ADCY7: variants seen among roughly 807,000 people sequenced by gnomAD.
The protein encoded by ADCY7 is adenylate cyclase type 7.
In ADCY7, 72 loss-of-function variants were observed where a neutral mutation model predicts 120.6. The ratio of observed to expected loss-of-function variants is 0.60; its 90% CI spans 0.49 to 0.73. ADCY7 has a LOEUF of 0.73. Among genes scored for constraint, ADCY7 ranks in the 30% least tolerant of loss-of-function variants. The pLI, the probability that ADCY7 is intolerant of heterozygous loss-of-function variation, is 0.00. For missense variants in ADCY7, 1,227 were observed against 1,486.0 expected, an observed-to-expected ratio of 0.83 and a Z score of 2.87; for synonymous variants, 661 against 628.0, an observed-to-expected ratio of 1.05 and a Z score of -0.78.
At chr16:50,286,198 G>A (rs571341279) in intron 1 of ADCY7, among the ~76,000 whole-genome samples, 38 of 151,692 alleles carry the variant, frequency 2.5e-4, no homozygotes, top group African/African-American at 8.9e-4. Context: ...TTCAAGACTA[G>A]CCTGGGCAAC....
Position 50,293,506 on chromosome 16 carries a change from G to A in ADCY7, c.836+4G>A. 1 of 1,613,714 alleles carries A rather than the reference G, an allele frequency of 6.2e-7. No homozygotes were observed. Among genetic ancestry groups the A allele is most frequent in the Non-Finnish European group, 8.5e-7 (1 of 1,179,942 alleles). ...TCAAGAGGCACCAGAATGTCAGGTG[G>A]GCGGTGAGACGTGTGATTAGCATAT... is the stretch of plus-strand genomic sequence containing the variant. On this transcript the variant is annotated splice_donor_region_variant and intron_variant, in intron 6 of 25. Transcript: ENST00000673801.
intron 16 of ADCY7, 54 bp from the exon 17 acceptor site, chr16:50,308,613 G>A: frequency 6.3e-7 from 1 of 1,576,984 alleles, no homozygotes; most frequent in East Asian, 2.2e-5. Flanking sequence ...CCAGCGACCA[G>A]CCCTCCTTGC....
At chr16:50,258,114 AC>A (rs2032965258) in intron 1 of ADCY7, among the ~76,000 whole-genome samples, 1 of 151,916 alleles carries the variant, frequency 6.6e-6, no homozygotes. Flanking sequence ...TTGTAATGTA[AC>A]CTCCAAGCTA....
At chr16:50,256,508 GC>G (rs1219771811) in intron 1 of ADCY7, among the ~76,000 whole-genome samples, 3 of 152,212 alleles carry the variant, frequency 2.0e-5, no homozygotes, top group East Asian at 3.9e-4. Context: ...TTTGAGACCA[GC>G]CTGGGCAACA....
At position 50,314,045 on chromosome 16, in the gene ADCY7, T is replaced by C; in HGVS notation, c.2839T>C (p.Ser947Pro). The C allele has an allele frequency of 6.2e-7, 1 of 1,614,040 alleles. No homozygotes were observed. Among genetic ancestry groups the C allele is most frequent in the Admixed American group, 1.7e-5 (1 of 60,018 alleles). ...GGCAGCTGCAGGGCTCAGCGTCGCC[T>C]CAGGGCACGAGAACCAGGTACTCAA... ...YMAAAGLSVA[S>P]GHENQELERQ... Residue 947 changes from serine (S) to proline (P), a missense_variant, in exon 23 of 26, where the codon TCA becomes CCA. Around this residue, in one of 5 missense-constraint regions of ADCY7, gnomAD observed 244 missense variants for 332.8 expected, o/e 0.73. Coordinates refer to ENST00000673801, the MANE Select transcript of ADCY7 (RefSeq NM_001114.5).
rs142241553 is a variant in ADCY7, at chr16:50,298,996, C to T, written c.1041C>T (p.Cys347=). 1.2e-4 allele frequency: 189 copies of T among 1,612,894 alleles called. No homozygotes were observed. The highest frequency in any genetic ancestry group is 1.4e-4 in the Non-Finnish European group (161 of 1,179,996). The change falls in exon 8 of 26, where the codon TGC becomes TGT. Residue 347 remains cysteine (C), a synonymous_variant. Transcript: ENST00000673801. The part of the protein sequence containing the change: ...PVSLPTHARN[C]VKMGLDMCQA... The stretch of plus-strand genomic sequence containing the variant: ...CGCTGCCTACCCACGCCCGGAACTG[C>T]GTGAAGATGGGGCTGGACATGTGCC...
intron 14 of ADCY7, 26 bp from the exon 15 acceptor site, chr16:50,307,024 C>G (rs751421115): frequency 6.3e-7 from 1 of 1,589,798 alleles, no homozygotes; most frequent in Non-Finnish European, 8.6e-7. Context: ...CTGGTGGCCA[C>G]CCCTCACAGT....
At position 50,312,182 on chromosome 16, in the gene ADCY7, G is replaced by A; in HGVS notation, c.2595G>A (p.Lys865=). The A allele has an allele frequency of 6.2e-7, 1 of 1,613,476 alleles. No homozygotes were observed. Among genetic ancestry groups the A allele is most frequent in the Non-Finnish European group, 8.5e-7 (1 of 1,179,936 alleles). Residue 865 remains lysine (K), a synonymous_variant, in exon 21 of 26, where the codon AAG becomes AAA. Coordinates refer to ENST00000673801, the MANE Select transcript of ADCY7 (RefSeq NM_001114.5). ...AHVAAHFIGD[K]LNEDWYHQSY... is the part of the protein sequence containing the mutation. ...TGGCTGCCCACTTTATCGGTGACAAGTTAAACGAGGTGTGCTGAGAAGGGG... is the reference window on the plus strand; with the variant it reads ...TGGCTGCCCACTTTATCGGTGACAAATTAAACGAGGTGTGCTGAGAAGGGG...
At chr16:50,251,779 G>A (rs2032764053) in intron 1 of ADCY7, among the ~76,000 whole-genome samples, 1 of 152,156 alleles carries the variant, frequency 6.6e-6, no homozygotes, top group South Asian at 2.1e-4. Context: ...TCCCCGCCTG[G>A]CCTCCGGGGG....
At position 50,312,066 on chromosome 16, in the gene ADCY7, T is replaced by C. The variant is rs150446281; in HGVS notation, c.2479T>C (p.Trp827Arg). 5.6e-5 allele frequency: 91 copies of C among 1,614,102 alleles called. No homozygotes were observed. The highest frequency in any genetic ancestry group is 7.0e-5 in the Non-Finnish European group (83 of 1,180,050). ...IDYYCRLDCL[W>R]KKKFKKEHEE... ...CTATTACTGCCGCTTGGACTGCCTA[T>C]GGAAGAAGAAGTTCAAGAAGGAGCA... Residue 827 changes from tryptophan (W) to arginine (R), a missense_variant, in exon 21 of 26, where the codon TGG becomes CGG. Physicochemically the swap from Trp to Arg is moderately radical, Grantham distance 101. Coordinates refer to ENST00000673801, the MANE Select transcript of ADCY7 (RefSeq NM_001114.5).
intron 1 of ADCY7, among the ~76,000 whole-genome samples, chr16:50,285,448 C>T (rs867661652): frequency 1.3e-5 from 2 of 152,262 alleles, no homozygotes. Context: ...GGATCTCATA[C>T]TAGCAGGTGC....
At chr16:50,305,957 G>C in intron 14 of ADCY7, 108 bp downstream of exon 14, 1 of 1,120,382 alleles carries the variant, frequency 8.9e-7, no homozygotes, top group Non-Finnish European at 1.3e-6. Context: ...ACCGGCTAGG[G>C]GAGGGGCACT....
At position 50,267,981 on chromosome 16, in the gene ADCY7, C is replaced by A. The variant is rs1228203615; in HGVS notation, c.-269+1301C>A. Among the ~76,000 whole-genome samples, 6 of 152,156 alleles carry A rather than the reference C, an allele frequency of 3.9e-5. 1 individual carries two copies. The highest frequency in any genetic ancestry group is 2.0e-4 in the Admixed American group (3 of 15,280). ...CAAGGTTTACCTGCAGCTCCTGGTG[C>A]AGAGTGTGGGGGAGGGGAGGCTCTC... On this transcript the variant is annotated intron_variant, in intron 1 of 25. Transcript: ENST00000673801.
At chr16:50,273,071 AG>A (rs1363034293) in intron 1 of ADCY7, among the ~76,000 whole-genome samples, 4 of 152,118 alleles carry the variant, frequency 2.6e-5, no homozygotes, top group Non-Finnish European at 5.9e-5. Context: ...CTGGTACTGA[AG>A]TGTGTCCCCA....
chr16:50,273,262 T>C (rs2033682739), intron 1 of ADCY7, among the ~76,000 whole-genome samples: 1 of 152,192 alleles, frequency 6.6e-6, no homozygotes. Context: ...TTCAGGAACA[T>C]GCCCAAGGTC....
rs184414716 is a variant in ADCY7, at chr16:50,302,757, C to A, written c.1368+1543C>A. Among the ~76,000 whole-genome samples the A allele has an allele frequency of 2.0e-3, 312 of 152,328 alleles. 1 individual carries two copies. Among genetic ancestry groups the A allele is most frequent in the African/African-American group, 7.2e-3 (299 of 41,572 alleles). On this transcript the variant is annotated intron_variant, in intron 10 of 25. Coordinates refer to ENST00000673801, the MANE Select transcript of ADCY7 (RefSeq NM_001114.5). Reference sequence around the variant, plus strand: ...GACACCGAGTGAACTGCGAGTCCCCCCACCCTTCTTGCTAAGGTGGCAGTG... The same window carrying A: ...GACACCGAGTGAACTGCGAGTCCCCACACCCTTCTTGCTAAGGTGGCAGTG...
chr16:50,301,288 C>T, intron 10 of ADCY7, 74 bp downstream of exon 10: 1 of 1,493,752 alleles, frequency 6.7e-7, no homozygotes, highest in South Asian at 1.3e-5. Flanking sequence ...CTGGCCCGCA[C>T]CTTGGAGGAA....
At chr16:50,295,839 G>C (rs1256689902) in intron 7 of ADCY7, among the ~76,000 whole-genome samples, 1 of 152,182 alleles carries the variant, frequency 6.6e-6, no homozygotes, top group Non-Finnish European at 1.5e-5. Flanking sequence ...TACATGGTAT[G>C]TGCTTTGAAG....
rs539116527 is a variant in ADCY7 at position 50,297,091 on chromosome 16, A to G, written c.949-1813A>G. On this transcript the variant is annotated intron_variant, in intron 7 of 25. Coordinates refer to ENST00000673801, the MANE Select transcript of ADCY7 (RefSeq NM_001114.5). The surrounding 1 kb of genome is among the most constrained non-coding windows in gnomAD (Gnocchi z 4.4). Reference sequence around the variant, plus strand: ...ACAGTCTTCCCTCTCCAGCAGGCCCAGGAGGCGTGGCCCTATTGCACAGAT... The same window carrying G: ...ACAGTCTTCCCTCTCCAGCAGGCCCGGGAGGCGTGGCCCTATTGCACAGAT... Among the ~76,000 whole-genome samples the G allele has an allele frequency of 3.3e-5, 5 of 152,368 alleles. No homozygotes were observed. The East Asian group carries it at 9.6e-4, about 29-fold the overall frequency.
Sources: allele counts gnomAD v4.1 joint callset (sites outside exome capture counted in the v4.1 genomes callset), GRCh38; gene constraint gnomAD v4.1.1; regional missense constraint gnomAD v4.1.1; non-coding constraint Gnocchi (gnomAD v3.1); transcripts MANE v1.5; gene names NCBI Gene and HGNC (gene_info 2026-07-23, HGNC 2026-07-21).